The following RARRES2 variants were observed in gnomAD, a reference collection of about 807,000 sequenced individuals.
RARRES2 encodes the protein retinoic acid receptor responder 2.
Under a neutral mutation model 17.9 loss-of-function variants are expected in RARRES2, and 12 were observed. That is an observed-to-expected ratio of 0.67 (90% CI 0.43 to 1.08). The LOEUF (loss-of-function observed/expected upper bound fraction) is 1.08, where lower values mean the gene tolerates loss of function less well. RARRES2 is among the 50% of genes least tolerant of loss of function. The pLI, the probability that RARRES2 is intolerant of heterozygous loss-of-function variation, is 0.00. For synonymous variants in RARRES2, 82 were observed against 86.8 expected (o/e 0.94, Z 0.31); for missense variants, 220 against 210.1 (o/e 1.05, Z -0.29).
At chr7:150,339,805 G>A (rs1241198051) in intron 3 of RARRES2, among the ~76,000 whole-genome samples, 3 of 152,112 alleles carry the variant, frequency 2.0e-5, no homozygotes, top group South Asian at 4.1e-4. Context: ...ATGCTTGAGA[G>A]AGGAACTCAG....
intron 1 of RARRES2, chr7:150,340,843 C>G: frequency 4.4e-6 from 2 of 458,994 alleles, no homozygotes; most frequent in African/African-American, 2.1e-5. Context: ...CCGCGCTGTT[C>G]CCTGGGGCCT....
At position 150,340,622 on chromosome 7, in the gene RARRES2, C is replaced by A. The variant is rs1227207011; in HGVS notation, c.-13G>T. The A allele has an allele frequency of 4.8e-5, 71 of 1,491,894 alleles. No individual in the cohort carries two copies. The highest frequency in any genetic ancestry group is 6.3e-5 in the Non-Finnish European group (71 of 1,118,434). The allele number at this position is 1,491,894 out of a possible 1,614,324, so 92.4% of individuals were successfully genotyped here. On this transcript the variant is annotated 5_prime_UTR_variant, in exon 2 of 6. Coordinates refer to ENST00000223271, the MANE Select transcript of RARRES2 (RefSeq NM_002889.4). ...GCAGCCGTCGCATGCTTCCGTGTCA[C>A]CCTGGCCCTGCGAAGCGGGTGTGCG...
chr7:150,338,810 T>TCCTCCACATCC (rs1004379740), intron 4 of RARRES2, 69 bp from the exon 5 acceptor site: 25 of 1,566,064 alleles, frequency 1.6e-5, no homozygotes, highest in Admixed American at 3.7e-5. Context: ...GCTGCCAGCA[T>TCCTCCACATCC]CCTCCACATC....
At chr7:150,339,694 G>A (rs555857526) in intron 3 of RARRES2, among the ~76,000 whole-genome samples, 7 of 141,546 alleles carry the variant, frequency 4.9e-5, no homozygotes, top group Middle Eastern at 3.6e-3. Context: ...TCACCCCCAC[G>A]GTGGAAGGTT....
At chr7:150,339,632 G>A (rs936298380) in intron 3 of RARRES2, among the ~76,000 whole-genome samples, 5 of 152,116 alleles carry the variant, frequency 3.3e-5, no homozygotes, top group East Asian at 1.9e-4. Flanking sequence ...AGCCCAGGCC[G>A]TGCTCACAGA....
chr7:150,340,409 C>T (rs557739492), intron 2 of RARRES2, 27 bp downstream of exon 2: 8 of 1,573,552 alleles, frequency 5.1e-6, no homozygotes, highest in Non-Finnish European at 6.9e-6. Flanking sequence ...CGACCCTCCC[C>T]GCTCCTGCCC....
chr7:150,341,387 G>A (rs1798486452), intron 1 of RARRES2, 191 bp downstream of exon 1: 1 of 152,232 alleles, frequency 6.6e-6, no homozygotes, highest in Non-Finnish European at 1.5e-5. Flanking sequence ...GGGGCCACCG[G>A]AGGGGCTGAC....
chr7:150,338,446 A>G lies in RARRES2; in HGVS notation c.*11-7T>C, dbSNP rs1798388391. 1 of 1,529,090 alleles carries G rather than the reference A, an allele frequency of 6.5e-7. No individual in the cohort carries two copies. Among genetic ancestry groups the G allele is most frequent in the East Asian group, 2.5e-5 (1 of 40,398 alleles). The allele number at this position is 1,529,090 out of a possible 1,614,324, so 94.7% of individuals were successfully genotyped here. A position where few individuals can be genotyped will look rare whatever the true frequency, so the allele number is the denominator to read the frequency against. ...CTGGAGGCACCACGCATCTCTAGAC[A>G]AAAGGGGAAACAGGTTTGGGGGTGA... is the stretch of plus-strand genomic sequence containing the variant. On this transcript the variant is annotated splice_polypyrimidine_tract_variant and splice_region_variant and intron_variant, in intron 5 of 5. Coordinates refer to ENST00000223271, the MANE Select transcript of RARRES2 (RefSeq NM_002889.4).
intron 1 of RARRES2, chr7:150,340,912 T>G: frequency 3.2e-6 from 1 of 309,974 alleles, no homozygotes; most frequent in Non-Finnish European, 5.9e-6. Flanking sequence ...ACTCCCACCC[T>G]ACACCCCTAA....
At chr7:150,340,020 C>T in intron 3 of RARRES2, 80 bp downstream of exon 3, 1 of 1,233,898 alleles carries the variant, frequency 8.1e-7, no homozygotes, top group South Asian at 1.2e-5. Flanking sequence ...CACACCCAGG[C>T]ATGTGCCCCA....
chr7:150,339,003 C>G lies in RARRES2; in HGVS notation c.358G>C (p.Glu120Gln), dbSNP rs1798409920. Reference protein sequence around the residue: ...VLGRLVHCPIETQVLREAEEH... With the variant: ...VLGRLVHCPIQTQVLREAEEH... ...CTTCTTACCCGCAGAACTTGGGTCT[C>G]TATGGGGCAGTGGACCAACCGGCCC... The change falls in exon 4 of 6, where the codon GAG (glutamate) becomes CAG (glutamine). Residue 120 changes from glutamate to glutamine, a missense_variant. Glu to Gln is a conservative substitution (Grantham distance 29). Coordinates refer to ENST00000223271, the MANE Select transcript of RARRES2 (RefSeq NM_002889.4). The G allele has an allele frequency of 6.2e-7, 1 of 1,610,280 alleles. No homozygotes were observed. The highest frequency in any genetic ancestry group is 8.5e-7 in the Non-Finnish European group (1 of 1,176,626).
At chr7:150,341,427 G>T (rs955724496) in intron 1 of RARRES2, 151 bp downstream of exon 1, 10 of 152,434 alleles carry the variant, frequency 6.6e-5, no homozygotes, top group African/African-American at 2.4e-4. Context: ...GGTCCTGGTG[G>T]TCTTGGGACC....
In RARRES2 at chr7:150,340,388, C is replaced by T. The variant is rs751077483; in HGVS notation, c.174+48G>A. 22 of 1,560,772 alleles carry T rather than the reference C, an allele frequency of 1.4e-5. No homozygotes were observed. In the East Asian group the frequency reaches 2.3e-4, roughly 16 times the overall value. ...TCCCCCTTCGTGGGAATGCGCTGGT[C>T]TCCTGGGGTACGACCCTCCCCGCTC... is the stretch of plus-strand genomic sequence containing the variant. On this transcript the variant is annotated intron_variant, in intron 2 of 5. Transcript: ENST00000223271.
chr7:150,340,285 C>T (rs1203512419), intron 2 of RARRES2, 81 bp from the exon 3 acceptor site: 2 of 1,556,062 alleles, frequency 1.3e-6, no homozygotes, highest in Non-Finnish European at 1.8e-6. Flanking sequence ...CCGCACCTCC[C>T]TCACGCAGTC....
At chr7:150,340,288 A>C (rs925941858) in intron 2 of RARRES2, 84 bp from the exon 3 acceptor site, 8 of 1,553,386 alleles carry the variant, frequency 5.2e-6, no homozygotes, top group African/African-American at 1.4e-5. Flanking sequence ...CACCTCCCTC[A>C]CGCAGTCACA....
chr7:150,339,587 A>AG (rs1366027948), intron 3 of RARRES2, among the ~76,000 whole-genome samples: 3 of 152,178 alleles, frequency 2.0e-5, no homozygotes, highest in African/African-American at 7.2e-5. Context: ...GAGCCGACAG[A>AG]GGGAACTGGG....
chr7:150,340,686 C>T lies in RARRES2; in HGVS notation c.-20-57G>A, dbSNP rs1360228376. 2.9e-6 allele frequency: 4 copies of T among 1,401,578 alleles called. No individual in the cohort carries two copies. In the South Asian group the frequency reaches 6.0e-5, roughly 21 times the overall value. 86.8% of individuals were successfully genotyped at this position (1,401,578 alleles called of 1,614,324 possible). A position where few individuals can be genotyped will look rare whatever the true frequency, so the allele number is the denominator to read the frequency against. On this transcript the variant is annotated intron_variant, in intron 1 of 5. Transcript: ENST00000223271. ...CGAGCCAGCCCGAGCCGCCTCCTCC[C>T]GCGCCCTGCTCTGGGGGGAGGGTGG...
At chr7:150,339,545 A>T (rs1206693946) in intron 3 of RARRES2, among the ~76,000 whole-genome samples, 12 of 152,002 alleles carry the variant, frequency 7.9e-5, no homozygotes, top group Admixed American at 7.2e-4. Flanking sequence ...TTTGAGGTTG[A>T]TGAATCATTG....
intron 1 of RARRES2, chr7:150,341,236 TCG>T (rs1279449673): frequency 1.3e-5 from 2 of 152,342 alleles, no homozygotes; most frequent in Non-Finnish European, 2.9e-5. Context: ...CCAGCCCCAG[TCG>T]CTAGGAATGG....
Sources: gnomAD v4.1 joint callset for allele counts (sites outside exome capture counted in the v4.1 genomes callset) on GRCh38, gnomAD v4.1.1 for gene constraint, MANE v1.5 for transcripts, NCBI Gene and HGNC (gene_info 2026-07-23, HGNC 2026-07-21) for gene names.